Variants in SACS observed in about 807,000 individuals in gnomAD.
SACS encodes sacsin.
Under a neutral mutation model 348.0 loss-of-function variants are expected in SACS, and 197 were observed. That is an observed-to-expected ratio of 0.57 (90% CI 0.50 to 0.64). SACS has a LOEUF of 0.64. Ranked by LOEUF, SACS falls within the 30% of genes least tolerant of loss-of-function variation. SACS has a pLI of 0.00. For synonymous variants in SACS, 1,985 were observed against 1,910.6 expected, an observed-to-expected ratio of 1.04 and a Z score of -1.02; for missense variants, 4,999 against 5,360.8, an observed-to-expected ratio of 0.93 and a Z score of 2.11.
At chr13:23,356,975 C>A (rs1163425180) in intron 7 of SACS, among the ~76,000 whole-genome samples, 1 of 152,192 alleles carries the variant, frequency 6.6e-6, no homozygotes, top group African/African-American at 2.4e-5. Flanking sequence ...ACCCTGCTCC[C>A]AAGGCACAGA....
At chr13:23,409,040 C>CTTTTTTTTTTT (rs1175897856) in intron 2 of SACS, among the ~76,000 whole-genome samples, 945 of 35,142 alleles carry the variant, frequency 0.027, 303 homozygotes, top group Non-Finnish European at 0.029. Flanking sequence ...ACAAGTTTTA[C>CTTTTTTTTTTT]TTTTTTTTTT....
Position 23,334,592 on chromosome 13 carries a change from G to T in SACS, c.9284C>A (p.Pro3095His). The T allele has an allele frequency of 6.2e-7, 1 of 1,613,424 alleles. No homozygotes were observed. Among genetic ancestry groups the T allele is most frequent in the South Asian group, 1.1e-5 (1 of 91,062 alleles). ...CATTAAAAAAGATCTGATATCAGCA[G>T]GGGTCACATAACTAACAGGAATATC... ...DADIPVSYVTPADIRSFLMTF... is the reference protein window; with the variant it reads ...DADIPVSYVTHADIRSFLMTF... Residue 3095 changes from proline (P) to histidine (H), a missense_variant, in exon 10 of 10, where the codon CCT becomes CAT. Physicochemically the swap from Pro to His is moderately conservative, Grantham distance 77 (BLOSUM62 -2). This residue lies in a region of SACS where 734 missense variants were observed against 694.0 expected (regional missense o/e 1.06). Transcript: ENST00000382292.
intron 7 of SACS, among the ~76,000 whole-genome samples, chr13:23,356,645 C>T (rs1209868569): frequency 2.0e-5 from 3 of 152,188 alleles, no homozygotes; most frequent in Non-Finnish European, 4.4e-5. Flanking sequence ...CAACCAAGGA[C>T]AGAGTAGTAT....
At chr13:23,381,352 G>A (rs1366984509) in intron 2 of SACS, among the ~76,000 whole-genome samples, 4 of 88,130 alleles carry the variant, frequency 4.5e-5, no homozygotes, top group Admixed American at 1.2e-4. Context: ...TGGGCAGCAC[G>A]AAGCACACAC....
At chr13:23,425,836 G>A (rs577187129) in intron 1 of SACS, among the ~76,000 whole-genome samples, 154 of 152,302 alleles carry the variant, frequency 1.0e-3, no homozygotes, top group African/African-American at 3.5e-3. Context: ...GAGCATGGCC[G>A]CCGGGGGTCT....
At chr13:23,387,935 T>G (rs1872362375) in intron 2 of SACS, among the ~76,000 whole-genome samples, 2 of 152,228 alleles carry the variant, frequency 1.3e-5, no homozygotes, top group South Asian at 4.1e-4. Context: ...ATTATTAAAA[T>G]GTCAAAAAAC....
In SACS at chr13:23,337,924, A is replaced by G; in HGVS notation, c.5952T>C (p.Thr1984=). The change falls in exon 10 of 10, where the codon ACT becomes ACC. Residue 1984 remains threonine (T), a synonymous_variant. Coordinates refer to ENST00000382292, the MANE Select transcript of SACS (RefSeq NM_014363.6). The stretch of plus-strand genomic sequence containing the variant: ...ATCTTACGTTCTTCATGGAAACCCA[A>G]GTAGATCCATCAGAGAAGACTTTGG... ...ELTKVFSDGS[T]WVSMKNVRFL... is the part of the protein sequence containing the mutation. 1.2e-6 allele frequency: 2 copies of G among 1,613,968 alleles called. No individual in the cohort carries two copies. Among genetic ancestry groups the G allele is most frequent in the Non-Finnish European group, 8.5e-7 (1 of 1,179,936 alleles).
rs9510706 is a variant in SACS at position 23,365,324 on chromosome 13, C to T, written c.346-47G>A. 23,961 of 1,020,322 alleles carry T rather than the reference C, an allele frequency of 0.023. 357 individuals are homozygous for T. Among genetic ancestry groups the T allele is most frequent in the Non-Finnish European group, 0.029 (19,707 of 674,764 alleles). 63.2% of individuals were successfully genotyped at this position (1,020,322 alleles called of 1,614,324 possible). On this transcript the variant is annotated intron_variant, in intron 5 of 9. Coordinates refer to ENST00000382292, the MANE Select transcript of SACS (RefSeq NM_014363.6). ...AAATAGTAATTAATAACACAGTAAT[C>T]TACTGCTCATCTTTGTATTTATCTA...
chr13:23,399,958 C>T (rs1314252794), intron 2 of SACS, among the ~76,000 whole-genome samples: 1 of 152,176 alleles, frequency 6.6e-6, no homozygotes, highest in African/African-American at 2.4e-5. Context: ...ATACTCTTAA[C>T]CTATAAGAGA....
Position 23,335,535 on chromosome 13 carries a change from G to C in SACS, c.8341C>G (p.His2781Asp), listed in dbSNP as rs886050080. The change falls in exon 10 of 10, where the codon CAT becomes GAT. Residue 2781 changes from histidine (H) to aspartate (D), a missense_variant. Physicochemically the swap from His to Asp is moderately conservative, Grantham distance 81 (BLOSUM62 -1). Around this residue, in one of 6 missense-constraint regions of SACS, gnomAD observed 3,156 missense variants for 3,380.1 expected, o/e 0.93. Coordinates refer to ENST00000382292, the MANE Select transcript of SACS (RefSeq NM_014363.6). This position sits in a 1 kb window ranked among gnomAD's most constrained non-coding sequence, Gnocchi z 4.7. Reference sequence around the variant, plus strand: ...GTAACACTATCAATTACAGATGCATGAAATTGTTTCCTTTTCAATCTGTCT... The same window carrying C: ...GTAACACTATCAATTACAGATGCATCAAATTGTTTCCTTTTCAATCTGTCT... ...DGDRLKRKQF[H>D]ASVIDSVTKK... is the part of the protein sequence containing the mutation. 1 of 1,613,696 alleles carries C rather than the reference G, an allele frequency of 6.2e-7. No homozygotes were observed. The highest frequency in any genetic ancestry group is 8.5e-7 in the Non-Finnish European group (1 of 1,179,908).
rs1452842357 is a variant in SACS, at chr13:23,332,326, A to T, written c.11550T>A (p.Thr3850=). Residue 3850 remains threonine, a synonymous_variant, in exon 10 of 10, where the codon ACT becomes ACA. Transcript: ENST00000382292. The part of the protein sequence containing the change: ...KHLGTEDIIS[T]KQYVEVLSRI... ...GGCTCAACACTTCAACATATTGCTT[A>T]GTTGAAATAATATCTTCAGTACCTA... 3.1e-6 allele frequency: 5 copies of T among 1,614,004 alleles called. No homozygotes were observed. The highest frequency in any genetic ancestry group is 3.4e-6 in the Non-Finnish European group (4 of 1,179,896).
intron 2 of SACS, among the ~76,000 whole-genome samples, chr13:23,399,330 C>G (rs1183399627): frequency 6.6e-6 from 1 of 152,138 alleles, no homozygotes; most frequent in Non-Finnish European, 1.5e-5. Flanking sequence ...GCTACTTGCT[C>G]TGTAACAACT....
In SACS at chr13:23,354,557, G is replaced by T; in HGVS notation, c.2055C>A (p.Asp685Glu). Reference sequence around the variant, plus strand: ...CTGAGGTAATATAAATGACATCTTGGTCTGATACAGATGAGGAGAAGGGGA... The same window carrying T: ...CTGAGGTAATATAAATGACATCTTGTTCTGATACAGATGAGGAGAAGGGGA... ...NFVPFSSSVS[D>E]QDVIYITSAE... The change falls in exon 8 of 10, where the codon GAC becomes GAA. Residue 685 changes from aspartate (D) to glutamate (E), a missense_variant. By Grantham distance (45) the Asp-to-Glu change is conservative. Coordinates refer to ENST00000382292, the MANE Select transcript of SACS (RefSeq NM_014363.6). 6.2e-7 allele frequency: 1 copy of T among 1,614,120 alleles called. No homozygotes were observed. Among genetic ancestry groups the T allele is most frequent in the Non-Finnish European group, 8.5e-7 (1 of 1,179,970 alleles).
chr13:23,375,136 A>G lies in SACS; in HGVS notation c.154T>C (p.Trp52Arg), dbSNP rs1477230197. 4 of 1,499,312 alleles carry G rather than the reference A, an allele frequency of 2.7e-6. No homozygotes were observed. Among genetic ancestry groups the G allele is most frequent in the Non-Finnish European group, 3.6e-6 (4 of 1,124,846 alleles). The allele number at this position is 1,499,312 out of a possible 1,614,324, so 92.9% of individuals were successfully genotyped here. ...CCGCCTACCTCGCGGCCGCCGCGCCACAGCCGCTGCTCCGACACCGGGAAG... is the reference window on the plus strand; with the variant it reads ...CCGCCTACCTCGCGGCCGCCGCGCCGCAGCCGCTGCTCCGACACCGGGAAG... ...TGFPVSEQRL[W>R]RGGRELSDWI... is the part of the protein sequence containing the mutation. The change falls in exon 3 of 10, where the codon TGG becomes CGG. Residue 52 changes from tryptophan (W) to arginine (R), a missense_variant. Transcript: ENST00000382292.
intron 1 of SACS, among the ~76,000 whole-genome samples, chr13:23,412,410 T>A (rs1467834257): frequency 1.6e-4 from 1 of 6,348 alleles, no homozygotes; most frequent in Non-Finnish European, 1.3e-3. Flanking sequence ...CCAAACCCTT[T>A]TTTTTTTTTT....
At position 23,355,353 on chromosome 13, in the gene SACS, A is replaced by G. The variant is rs761791412; in HGVS notation, c.1259T>C (p.Ile420Thr). The G allele has an allele frequency of 1.5e-5, 25 of 1,614,012 alleles. No individual in the cohort carries two copies. In the Admixed American group the frequency reaches 2.5e-4, roughly 16 times the overall value. The change falls in exon 8 of 10, where the codon ATT becomes ACT. Residue 420 changes from isoleucine (I) to threonine (T), a missense_variant. This residue lies in a region of SACS where 3,156 missense variants were observed against 3,380.1 expected (regional missense o/e 0.93). Coordinates refer to ENST00000382292, the MANE Select transcript of SACS (RefSeq NM_014363.6). ...LADELKFVPI[I>T]GIAMPLSSRD... Reference sequence around the variant, plus strand: ...GCTTGATAAAGGCATGGCTATTCCAATGATTGGGACAAATTTCAGTTCATC... The same window carrying G: ...GCTTGATAAAGGCATGGCTATTCCAGTGATTGGGACAAATTTCAGTTCATC...
In SACS at chr13:23,337,823, T is replaced by C. The variant is rs1222361319; in HGVS notation, c.6053A>G (p.Lys2018Arg). The change falls in exon 10 of 10, where the codon AAG becomes AGG. Residue 2018 changes from lysine (K) to arginine (R), a missense_variant. Transcript: ENST00000382292. Reference protein sequence around the residue: ...AFKIFLKYLKKTGSKNLCAVE... With the variant: ...AFKIFLKYLKRTGSKNLCAVE... ...AGCACAAAGGTTTTTGGACCCAGTC[T>C]TCTTGAGGTATTTCAAAAATATCTT... is the stretch of plus-strand genomic sequence containing the variant. 6.2e-7 allele frequency: 1 copy of C among 1,613,832 alleles called. No homozygotes were observed. Among genetic ancestry groups the C allele is most frequent in the East Asian group, 2.2e-5 (1 of 44,884 alleles).
rs763068512 is a variant in SACS, at chr13:23,341,171, G to A, written c.2705C>T (p.Ala902Val). The change falls in exon 10 of 10, where the codon GCC (alanine) becomes GTC (valine). Residue 902 changes from alanine to valine, a missense_variant. Around this residue, in one of 6 missense-constraint regions of SACS, gnomAD observed 3,156 missense variants for 3,380.1 expected, o/e 0.93. Coordinates refer to ENST00000382292, the MANE Select transcript of SACS (RefSeq NM_014363.6). ...TAAACTAGCCAAGAACTTCCTCAGG[G>A]CATCTTTGTGTGTTGGAAGTAGCGA... ...ITSLLPTHKD[A>V]LRKFLASLTD... The A allele has an allele frequency of 6.2e-7, 1 of 1,613,302 alleles. No homozygotes were observed. Among genetic ancestry groups the A allele is most frequent in the Admixed American group, 1.7e-5 (1 of 60,020 alleles).
chr13:23,370,999 A>T (rs1871353050), intron 4 of SACS, 79 bp downstream of exon 4: 2 of 964,138 alleles, frequency 2.1e-6, no homozygotes, highest in Admixed American at 4.1e-5. Flanking sequence ...TTCAAAAACC[A>T]ACCAAACAAA....
Sources: allele counts gnomAD v4.1 joint callset (sites outside exome capture counted in the v4.1 genomes callset), GRCh38; gene constraint gnomAD v4.1.1; regional missense constraint gnomAD v4.1.1; non-coding constraint Gnocchi (gnomAD v3.1); transcripts MANE v1.5; gene names NCBI Gene and HGNC (gene_info 2026-07-23, HGNC 2026-07-21).